The following PSMG2 variants were observed in gnomAD, a reference collection of about 807,000 sequenced individuals.
PSMG2 encodes the protein proteasome assembly chaperone 2.
PSMG2 carries 21 observed loss-of-function variants against 31.5 expected under a neutral mutation model. That is an observed-to-expected ratio of 0.67 (90% CI 0.47 to 0.96). PSMG2 has a LOEUF of 0.96. Among genes scored for constraint, PSMG2 ranks in the 40% least tolerant of loss-of-function variants. The pLI, the probability that PSMG2 is intolerant of heterozygous loss-of-function variation, is 0.00. For synonymous variants in PSMG2, 120 were observed against 110.4 expected (o/e 1.09, Z -0.54); for missense variants, 318 against 321.2 (o/e 0.99, Z 0.08).
At chr18:12,711,014 C>T (rs1365618060) in intron 2 of PSMG2, among the ~76,000 whole-genome samples, 3 of 152,050 alleles carry the variant, frequency 2.0e-5, no homozygotes, top group Admixed American at 6.6e-5. Flanking sequence ...ACAGGAGAAT[C>T]GCTTGAACCC....
upstream of PSMG2, chr18:12,699,937 A>G (rs775071625): frequency 5.0e-6 from 7 of 1,400,440 alleles, 1 homozygote; most frequent in South Asian, 9.4e-5. Flanking sequence ...ATCAAAACAA[A>G]TTAGAAAACA....
chr18:12,671,226 G>A (rs975458999), intron 1 of PSMG2: 2 of 152,040 alleles, frequency 1.3e-5, no homozygotes, highest in African/African-American at 4.8e-5. Flanking sequence ...TTATAGGTGT[G>A]AGCCATCACA....
intron 3 of PSMG2, among the ~76,000 whole-genome samples, chr18:12,718,187 T>G (rs751535775): frequency 2.6e-5 from 4 of 151,940 alleles, no homozygotes; most frequent in Non-Finnish European, 5.9e-5. Flanking sequence ...TTTTTTATTT[T>G]TAGTAGAGAT....
chr18:12,703,003 C>A, upstream of PSMG2: 2 of 1,329,792 alleles, frequency 1.5e-6, no homozygotes, highest in Non-Finnish European at 1.0e-6. Context: ...CTCAAAGGAC[C>A]CTCCCGCGCC....
upstream of PSMG2, chr18:12,701,016 T>C (rs1279413553): frequency 6.2e-7 from 1 of 1,614,036 alleles, no homozygotes; most frequent in South Asian, 1.1e-5. Context: ...TCTAAGGGCT[T>C]TGATCAAATC....
chr18:12,725,559 C>G lies in PSMG2; in HGVS notation c.*28C>G, dbSNP rs778362474. ...TAATTTCTGTTTTATACCTTATACC[C>G]AAAACACTTACTACCAACACAGCTG... On this transcript the variant is annotated 3_prime_UTR_variant, in exon 7 of 7. Coordinates refer to ENST00000317615, the MANE Select transcript of PSMG2 (RefSeq NM_020232.5). 3 of 1,491,070 alleles carry G rather than the reference C, an allele frequency of 2.0e-6. No homozygotes were observed. Among genetic ancestry groups the G allele is most frequent in the Non-Finnish European group, 9.3e-7 (1 of 1,075,710 alleles). The allele number at this position is 1,491,070 out of a possible 1,614,324, so 92.4% of individuals were successfully genotyped here.
intron 2 of PSMG2, among the ~76,000 whole-genome samples, chr18:12,709,200 C>T (rs970013278): frequency 1.3e-5 from 2 of 149,776 alleles, no homozygotes; most frequent in African/African-American, 4.9e-5. Context: ...CACATGCCAC[C>T]ACGCCCGGCT....
chr18:12,678,212 G>GA, intron 1 of PSMG2: 1 of 1,614,132 alleles, frequency 6.2e-7, no homozygotes, highest in Non-Finnish European at 8.5e-7. Flanking sequence ...GGGAGGAAGG[G>GA]ATGTTGTAGC....
intron 1 of PSMG2, among the ~76,000 whole-genome samples, chr18:12,703,761 A>G (rs1411054926): frequency 6.6e-6 from 1 of 152,228 alleles, no homozygotes; most frequent in African/African-American, 2.4e-5. Context: ...TCCTGAGATA[A>G]TTGGGAGGGG....
rs369158202 is a variant in PSMG2 at position 12,672,666 on chromosome 18, CAA to C, written c.-37+13895_-37+13896del. 321 of 981,272 alleles carry C rather than the reference CAA, an allele frequency of 3.3e-4. 1 individual carries two copies. In the African/African-American group the frequency reaches 5.1e-3, roughly 16 times the overall value. The allele number at this position is 981,272 out of a possible 1,614,324, so 60.8% of individuals were successfully genotyped here. On this transcript the variant is annotated intron_variant, in intron 1 of 6. Transcript: ENST00000585331. ...AGATCACAATTTATCAGTATCATAA[CAA>C]AGAGGTATAATAAAGTTTTTCTAAA... is the stretch of plus-strand genomic sequence containing the variant.
At chr18:12,725,412 T>C (rs200584472) in intron 6 of PSMG2, 27 bp from the exon 7 acceptor site, 3 of 1,497,644 alleles carry the variant, frequency 2.0e-6, no homozygotes, top group Admixed American at 3.7e-5. Context: ...AGTTTAAAGA[T>C]TAAAATATTT....
Position 12,725,662 on chromosome 18 carries a change from T to G in PSMG2, c.*131T>G, listed in dbSNP as rs2040470297. 1 of 549,448 alleles carries G rather than the reference T, an allele frequency of 1.8e-6. No homozygotes were observed. Among genetic ancestry groups the G allele is most frequent in the East Asian group, 3.3e-5 (1 of 30,028 alleles). 34.0% of individuals were successfully genotyped at this position (549,448 alleles called of 1,614,324 possible). A position where few individuals can be genotyped will look rare whatever the true frequency, so the allele number is the denominator to read the frequency against. ...CACAGTAAATATCAAAGAAAAAAGA[T>G]TAAGGGTCTCTTTGCCATGCTTTTC... is the stretch of plus-strand genomic sequence containing the variant. On this transcript the variant is annotated 3_prime_UTR_variant, in exon 7 of 7. Coordinates refer to ENST00000317615, the MANE Select transcript of PSMG2 (RefSeq NM_020232.5).
At chr18:12,705,545 A>AAGAGAGAG (rs142910283) in intron 1 of PSMG2, among the ~76,000 whole-genome samples, 9 of 137,876 alleles carry the variant, frequency 6.5e-5, no homozygotes, top group African/African-American at 2.5e-4. Context: ...TCATGGGAAA[A>AAGAGAGAG]AGAGAGAGAG....
chr18:12,680,656 A>T lies in PSMG2; in HGVS notation c.-37+21883A>T, dbSNP rs781548302. Reference sequence around the variant, plus strand: ...TTTAATATCCTTATAAACTTAGTAAACTAACCTGTGTCCTGTTAAACTCTC... The same window carrying T: ...TTTAATATCCTTATAAACTTAGTAATCTAACCTGTGTCCTGTTAAACTCTC... On this transcript the variant is annotated intron_variant, in intron 1 of 6. Transcript: ENST00000585331. 7 of 1,588,938 alleles carry T rather than the reference A, an allele frequency of 4.4e-6. No homozygotes were observed. The Admixed American group carries it at 1.3e-4, about 30-fold the overall frequency.
intron 3 of PSMG2, among the ~76,000 whole-genome samples, chr18:12,714,274 A>G (rs947265583): frequency 6.6e-6 from 1 of 152,192 alleles, no homozygotes; most frequent in African/African-American, 2.4e-5. Flanking sequence ...AGTCATGCTC[A>G]CAGGAGCTCT....
intron 1 of PSMG2, among the ~76,000 whole-genome samples, chr18:12,705,012 G>C (rs2040250098): frequency 6.6e-6 from 1 of 152,084 alleles, no homozygotes; most frequent in African/African-American, 2.4e-5. Context: ...GCATGTATTA[G>C]ATGTAGTTGG....
chr18:12,723,175 C>G (rs1230499920), intron 5 of PSMG2, among the ~76,000 whole-genome samples: 3 of 152,184 alleles, frequency 2.0e-5, no homozygotes, highest in Admixed American at 2.0e-4. Context: ...ACTCGGCTCA[C>G]TTTTATTTCT....
chr18:12,682,356 T>A (rs1162744074), intron 1 of PSMG2, among the ~76,000 whole-genome samples: 2 of 151,940 alleles, frequency 1.3e-5, no homozygotes, highest in Non-Finnish European at 2.9e-5. Context: ...GGCCCAGCTA[T>A]TTTTTGTGTT....
intron 1 of PSMG2, among the ~76,000 whole-genome samples, chr18:12,659,096 T>A (rs529734047): frequency 2.2e-4 from 33 of 152,340 alleles, no homozygotes; most frequent in African/African-American, 7.7e-4. Context: ...GTAGATTAAT[T>A]TAATCGATAA....
Sources: gnomAD v4.1 joint callset for allele counts (sites outside exome capture counted in the v4.1 genomes callset) on GRCh38, gnomAD v4.1.1 for gene constraint, MANE v1.5 for transcripts, NCBI Gene and HGNC (gene_info 2026-07-23, HGNC 2026-07-21) for gene names.